CNTNAP5: variants seen among roughly 807,000 people sequenced by gnomAD.
CNTNAP5 encodes the protein contactin-associated protein-like 5.
Under a neutral mutation model 150.2 loss-of-function variants are expected in CNTNAP5, and 72 were observed. The observed-to-expected ratio is 0.48, with a 90% CI of 0.40 to 0.58. The LOEUF (loss-of-function observed/expected upper bound fraction) is 0.58, where lower values mean the gene tolerates loss of function less well. Among genes scored for constraint, CNTNAP5 ranks in the 20% least tolerant of loss-of-function variants. The probability of loss-of-function intolerance (pLI) is 0.00; values close to 1 mark genes in which losing one functional copy is unlikely to be tolerated. For missense variants in CNTNAP5, 1,636 were observed against 1,626.2 expected (o/e 1.01, Z -0.10); for synonymous variants, 672 against 619.8 (o/e 1.08, Z -1.25).
intron 3 of CNTNAP5, among the ~76,000 whole-genome samples, chr2:124,399,716 G>A (rs994913968): frequency 6.6e-6 from 1 of 152,084 alleles, no homozygotes; most frequent in African/African-American, 2.4e-5. Flanking sequence ...GACTTTCTGC[G>A]GTATGGAATG....
At chr2:124,810,847 G>C (rs1682200320) in intron 19 of CNTNAP5, among the ~76,000 whole-genome samples, 1 of 152,158 alleles carries the variant, frequency 6.6e-6, no homozygotes, top group East Asian at 1.9e-4. Context: ...TGTCAAGATG[G>C]GACTGCTACA....
rs1691957841 is a variant in CNTNAP5, at chr2:124,417,593, A to G, written c.529+3A>G. ...CGAGGTCTACGGATGTTCCTATAGTAAGTACTCACATGTACCCTTTACCAT... is the reference window on the plus strand; with the variant it reads ...CGAGGTCTACGGATGTTCCTATAGTGAGTACTCACATGTACCCTTTACCAT... On this transcript the variant is annotated splice_donor_region_variant and intron_variant, in intron 4 of 23. Coordinates refer to ENST00000682447, the MANE Select transcript of CNTNAP5 (RefSeq NM_001367498.1). 1.2e-6 allele frequency: 2 copies of G among 1,612,392 alleles called. No homozygotes were observed. The highest frequency in any genetic ancestry group is 1.7e-6 in the Non-Finnish European group (2 of 1,179,122).
chr2:124,615,545 A>G (rs1677477538), intron 12 of CNTNAP5, among the ~76,000 whole-genome samples: 1 of 152,142 alleles, frequency 6.6e-6, no homozygotes, highest in Non-Finnish European at 1.5e-5. Flanking sequence ...TGCTATTTCC[A>G]CCAAATCTGC....
intron 14 of CNTNAP5, among the ~76,000 whole-genome samples, chr2:124,752,409 A>G (rs1680746940): frequency 6.6e-6 from 1 of 152,044 alleles, no homozygotes; most frequent in African/African-American, 2.4e-5. Flanking sequence ...AATAAGACCC[A>G]AGTAAATGAA....
chr2:124,493,804 T>C (rs1694085737), intron 7 of CNTNAP5, among the ~76,000 whole-genome samples: 1 of 152,136 alleles, frequency 6.6e-6, no homozygotes, highest in Non-Finnish European at 1.5e-5. Flanking sequence ...GTTCTATTTT[T>C]ACTCAAGAAC....
chr2:124,360,471 A>G (rs2553633), intron 3 of CNTNAP5, among the ~76,000 whole-genome samples: 94,845 of 131,434 alleles, frequency 0.72, 36,197 homozygotes, highest in African/African-American at 0.89. Context: ...CATGTTTAGC[A>G]CTTCCTTCAG....
chr2:124,786,398 A>AGAAAGAAAGAAAGAAAGAAG (rs1553442119), intron 17 of CNTNAP5, among the ~76,000 whole-genome samples: 2 of 45,220 alleles, frequency 4.4e-5, no homozygotes, highest in Non-Finnish European at 4.1e-5. Context: ...AAAGAAAGAA[A>AGAAAGAAAGAAAGAAAGAAG]GAAGGAAGGA....
rs145529013 is a variant in CNTNAP5, at chr2:124,306,504, C to T, written c.381+64111C>T. On this transcript the variant is annotated intron_variant, in intron 3 of 23. Coordinates refer to ENST00000682447, the MANE Select transcript of CNTNAP5 (RefSeq NM_001367498.1). ...ATATGACCTATGTTGGTTGCCCAGA[C>T]ATCAGCCCACACACACACTCCTGAC... is the stretch of plus-strand genomic sequence containing the variant. Among the ~76,000 whole-genome samples the T allele has an allele frequency of 1.7e-3, 258 of 152,250 alleles. 2 individuals carry two copies. Among genetic ancestry groups the T allele is most frequent in the African/African-American group, 5.8e-3 (243 of 41,556 alleles).
chr2:124,414,214 C>A (rs182542206), intron 3 of CNTNAP5, among the ~76,000 whole-genome samples: 2 of 149,916 alleles, frequency 1.3e-5, no homozygotes, highest in African/African-American at 4.9e-5. Flanking sequence ...AGGTTGGTGG[C>A]TTTAATACAT....
chr2:124,621,643 T>C (rs547470312), intron 12 of CNTNAP5, among the ~76,000 whole-genome samples: 100 of 152,324 alleles, frequency 6.6e-4, no homozygotes, highest in Non-Finnish European at 1.2e-3. Flanking sequence ...GAAAGAAATG[T>C]ATCCATGTGG....
chr2:124,156,892 T>C (rs907881115), intron 1 of CNTNAP5, among the ~76,000 whole-genome samples: 4 of 152,214 alleles, frequency 2.6e-5, no homozygotes, highest in Non-Finnish European at 5.9e-5. Context: ...ACTGATTACC[T>C]CTGTGCCTCA....
At chr2:124,370,856 A>G (rs920071667) in intron 3 of CNTNAP5, among the ~76,000 whole-genome samples, 2 of 152,182 alleles carry the variant, frequency 1.3e-5, no homozygotes, top group African/African-American at 4.8e-5. Flanking sequence ...TATTTCATAA[A>G]ACTTTTATGT....
chr2:124,220,277 A>G (rs1230083876), intron 1 of CNTNAP5, among the ~76,000 whole-genome samples: 1 of 152,138 alleles, frequency 6.6e-6, no homozygotes, highest in Non-Finnish European at 1.5e-5. Context: ...TCATTGTTCA[A>G]TGTCCTATGA....
intron 3 of CNTNAP5, among the ~76,000 whole-genome samples, chr2:124,415,342 T>C (rs559228564): frequency 6.6e-6 from 1 of 152,326 alleles, no homozygotes; most frequent in African/African-American, 2.4e-5. Context: ...TCCTTCTTTA[T>C]AAGCCACTTT....
At chr2:124,042,799 T>C (rs1681415624) in intron 1 of CNTNAP5, among the ~76,000 whole-genome samples, 1 of 150,016 alleles carries the variant, frequency 6.7e-6, no homozygotes, top group Admixed American at 6.6e-5. Flanking sequence ...TCTATCTATC[T>C]ATCTATCTAT....
At chr2:124,225,631 T>C (rs988985665) in intron 2 of CNTNAP5, among the ~76,000 whole-genome samples, 3 of 152,186 alleles carry the variant, frequency 2.0e-5, no homozygotes, top group Non-Finnish European at 4.4e-5. Flanking sequence ...CTTTGTTTTG[T>C]AGTGAGAACA....
chr2:124,093,231 T>C (rs1206143559), intron 1 of CNTNAP5, among the ~76,000 whole-genome samples: 1 of 152,234 alleles, frequency 6.6e-6, no homozygotes, highest in Non-Finnish European at 1.5e-5. Flanking sequence ...TCTTGCAATA[T>C]GAAATTGGCA....
At chr2:124,287,153 C>G (rs970387861) in intron 3 of CNTNAP5, among the ~76,000 whole-genome samples, 1 of 152,140 alleles carries the variant, frequency 6.6e-6, no homozygotes, top group Admixed American at 6.6e-5. Context: ...TAGCTACAAT[C>G]GGGTGCTTAC....
At chr2:124,063,116 G>A (rs1265342936) in intron 1 of CNTNAP5, among the ~76,000 whole-genome samples, 1 of 151,838 alleles carries the variant, frequency 6.6e-6, no homozygotes, top group Non-Finnish European at 1.5e-5. Context: ...GGAATATTGG[G>A]GGCAGTAAAA....
Sources: allele counts gnomAD v4.1 joint callset (sites outside exome capture counted in the v4.1 genomes callset), GRCh38; gene constraint gnomAD v4.1.1; transcripts MANE v1.5; gene names NCBI Gene and HGNC (gene_info 2026-07-23, HGNC 2026-07-21).